Variants in ABTB3 observed in about 807,000 individuals in gnomAD.
ABTB3 encodes the protein ankyrin repeat and BTB domain containing 3.
the ABTB3 span, among the ~76,000 whole-genome samples, chr12:107,489,904 G>A: frequency 6.6e-6 from 1 of 151,878 alleles, no homozygotes; most frequent in Non-Finnish European, 1.5e-5. Context: ...TTACAGGCAT[G>A]AGCCACCATG....
the ABTB3 span, among the ~76,000 whole-genome samples, chr12:107,547,139 A>G: frequency 3.3e-5 from 5 of 149,376 alleles, no homozygotes; most frequent in Non-Finnish European, 4.4e-5. Context: ...GGCTGCAGTG[A>G]GCTGAGATTG....
the ABTB3 span, among the ~76,000 whole-genome samples, chr12:107,553,803 C>T: frequency 7.2e-5 from 11 of 152,092 alleles, no homozygotes; most frequent in African/African-American, 7.2e-5. Flanking sequence ...AGGTAGGCAT[C>T]GTGGCACATG....
At chr12:107,331,310 C>T in the ABTB3 span, among the ~76,000 whole-genome samples, 4 of 152,232 alleles carry the variant, frequency 2.6e-5, no homozygotes, top group Admixed American at 2.6e-4. Context: ...TGCTTCCCGC[C>T]CTCATGGAGC....
the ABTB3 span, chr12:107,543,903 T>A: frequency 6.3e-7 from 1 of 1,582,466 alleles, no homozygotes. Flanking sequence ...GTTGGCTTCC[T>A]GGAGGATCTG....
At chr12:107,326,696 C>T in the ABTB3 span, among the ~76,000 whole-genome samples, 2 of 152,176 alleles carry the variant, frequency 1.3e-5, no homozygotes, top group South Asian at 4.1e-4. Flanking sequence ...TCACCATGGT[C>T]CAGGGACCCA....
the ABTB3 span, among the ~76,000 whole-genome samples, chr12:107,466,445 C>A: frequency 6.6e-6 from 1 of 151,778 alleles, no homozygotes; most frequent in South Asian, 2.1e-4. Context: ...GAAACAATAT[C>A]CCCACTGTGC....
chr12:107,439,096 C>T, the ABTB3 span, among the ~76,000 whole-genome samples: 1 of 152,160 alleles, frequency 6.6e-6, no homozygotes, highest in Non-Finnish European at 1.5e-5. Context: ...TTGTCTGTTG[C>T]TTGAACGTAA....
chr12:107,585,600 G>T, the ABTB3 span, among the ~76,000 whole-genome samples: 1 of 152,174 alleles, frequency 6.6e-6, no homozygotes, highest in African/African-American at 2.4e-5. Context: ...TGAATCTAAC[G>T]AATTGCACCA....
chr12:107,496,677 G>T, the ABTB3 span, among the ~76,000 whole-genome samples: 1 of 152,120 alleles, frequency 6.6e-6, no homozygotes, highest in Non-Finnish European at 1.5e-5. Flanking sequence ...TGCGTGTCAG[G>T]CACTGTTCAG....
the ABTB3 span, among the ~76,000 whole-genome samples, chr12:107,428,481 C>T: frequency 2.0e-5 from 3 of 152,268 alleles, no homozygotes; most frequent in South Asian, 2.1e-4. Flanking sequence ...ATGAAGGATG[C>T]GAGTTAAGGA....
the ABTB3 span, among the ~76,000 whole-genome samples, chr12:107,345,435 G>A: frequency 6.6e-6 from 1 of 151,410 alleles, no homozygotes; most frequent in East Asian, 1.9e-4. Flanking sequence ...AAATGGGTGT[G>A]GTATCTTTGG....
chr12:107,390,459 C>T, the ABTB3 span, among the ~76,000 whole-genome samples: 23 of 152,284 alleles, frequency 1.5e-4, no homozygotes, highest in East Asian at 5.8e-4. Context: ...AGGTGGTACA[C>T]GTTTGTGTGT....
the ABTB3 span, among the ~76,000 whole-genome samples, chr12:107,328,874 G>A: frequency 6.6e-6 from 1 of 152,202 alleles, no homozygotes; most frequent in Non-Finnish European, 1.5e-5. Flanking sequence ...GGCGGGGCTT[G>A]CCTTGGTGGT....
At chr12:107,640,265 TC>T in the ABTB3 span, 3 of 1,116,996 alleles carry the variant, frequency 2.7e-6, no homozygotes, top group Non-Finnish European at 4.0e-6. Flanking sequence ...CTAAACTTCA[TC>T]CTTTTTTCCA....
the ABTB3 span, among the ~76,000 whole-genome samples, chr12:107,381,209 T>G: frequency 6.6e-6 from 1 of 152,214 alleles, no homozygotes; most frequent in Admixed American, 6.5e-5. Flanking sequence ...TCTGCATAGG[T>G]GGAGACTTGG....
the ABTB3 span, among the ~76,000 whole-genome samples, chr12:107,412,571 C>T: frequency 6.6e-6 from 1 of 152,028 alleles, no homozygotes; most frequent in Non-Finnish European, 1.5e-5. Flanking sequence ...AACTGGGGCC[C>T]CAAGAGATAA....
the ABTB3 span, among the ~76,000 whole-genome samples, chr12:107,539,259 C>T: frequency 8.5e-5 from 13 of 152,244 alleles, no homozygotes; most frequent in Non-Finnish European, 2.9e-5. Flanking sequence ...AAAACATTGT[C>T]TCAGTGCCCG....
the ABTB3 span, among the ~76,000 whole-genome samples, chr12:107,417,672 C>T: frequency 5.6e-3 from 858 of 152,352 alleles, 7 homozygotes; most frequent in Middle Eastern, 0.041. Context: ...TCAGTGTCCG[C>T]GCATAGCGTG....
the ABTB3 span, among the ~76,000 whole-genome samples, chr12:107,548,155 C>G: frequency 2.0e-5 from 3 of 150,186 alleles, no homozygotes; most frequent in African/African-American, 4.9e-5. Context: ...AGTTAGGACT[C>G]TAATTTGGAG....
Sources: allele counts gnomAD v4.1 joint callset (sites outside exome capture counted in the v4.1 genomes callset), GRCh38; gene constraint gnomAD v4.1.1; transcripts MANE v1.5; gene names NCBI Gene and HGNC (gene_info 2026-07-23, HGNC 2026-07-21).